The following FGF12 variants were observed in gnomAD, a reference collection of about 807,000 sequenced individuals.
The protein encoded by FGF12 is fibroblast growth factor 12B.
In FGF12, 14 loss-of-function variants were observed where a neutral mutation model predicts 23.6. That is an observed-to-expected ratio of 0.59 (90% confidence interval 0.39 to 0.93). The LOEUF is 0.93. FGF12 is among the 40% of genes least tolerant of loss of function. The probability of loss-of-function intolerance (pLI) is 0.00; values close to 1 mark genes in which losing one functional copy is unlikely to be tolerated. For synonymous variants in FGF12, 62 were observed against 77.3 expected, an observed-to-expected ratio of 0.80 and a Z score of 1.04; for missense variants, 175 against 217.8, an observed-to-expected ratio of 0.80 and a Z score of 1.24.
chr3:192,144,108 T>C lies in FGF12; in HGVS notation c.447A>G (p.Pro149=). The C allele has an allele frequency of 3.7e-6, 6 of 1,612,454 alleles. No individual in the cohort carries two copies. Among genetic ancestry groups the C allele is most frequent in the Non-Finnish European group, 3.4e-6 (4 of 1,178,522 alleles). ...GTTTTTCTCCAATTTCATGTAGCGA[T>C]GGTTCTCTGTACATACACACTGAAA... The part of the protein sequence containing the change: ...KPIEVCMYRE[P]SLHEIGEKQG... The change falls in exon 6 of 6, where the codon CCA becomes CCG. Residue 149 remains proline (P), a synonymous_variant. Coordinates refer to ENST00000445105, the MANE Select transcript of FGF12 (RefSeq NM_004113.6).
chr3:192,504,936 G>A (rs1192745565), intron 2 of FGF12, among the ~76,000 whole-genome samples: 1 of 152,014 alleles, frequency 6.6e-6, no homozygotes, highest in South Asian at 2.1e-4. Flanking sequence ...TTTCTCAGTT[G>A]TCTGGAACTC....
chr3:192,706,302 A>G (rs982660774), intron 2 of FGF12, among the ~76,000 whole-genome samples: 2 of 152,160 alleles, frequency 1.3e-5, no homozygotes, highest in Non-Finnish European at 2.9e-5. Flanking sequence ...AACTCTAATA[A>G]TCACATGCTT....
At chr3:192,381,600 A>T (rs528276317) in intron 2 of FGF12, among the ~76,000 whole-genome samples, 1 of 152,340 alleles carries the variant, frequency 6.6e-6, no homozygotes, top group South Asian at 2.1e-4. Context: ...AAACCTCACC[A>T]AACCCTAGGG....
At chr3:192,504,302 CT>C (rs1724229916) in intron 2 of FGF12, among the ~76,000 whole-genome samples, 1 of 152,052 alleles carries the variant, frequency 6.6e-6, no homozygotes, top group African/African-American at 2.4e-5. Context: ...CACAATTTAC[CT>C]GTGTAACAAA....
intron 2 of FGF12, among the ~76,000 whole-genome samples, chr3:192,686,347 G>A (rs187834012): frequency 2.0e-5 from 3 of 152,116 alleles, no homozygotes; most frequent in East Asian, 1.9e-4. Context: ...AGTTGGAACC[G>A]AGACTGAAAT....
At chr3:192,684,964 A>G (rs1577120162) in intron 2 of FGF12, among the ~76,000 whole-genome samples, 1 of 152,314 alleles carries the variant, frequency 6.6e-6, no homozygotes, top group East Asian at 1.9e-4. Flanking sequence ...GGCCTTGGGC[A>G]TATTTACCTC....
At chr3:192,144,227 C>T in intron 5 of FGF12, 100 bp from the exon 6 acceptor site, 1 of 676,168 alleles carries the variant, frequency 1.5e-6, no homozygotes, top group South Asian at 1.9e-5. Flanking sequence ...ACTCTCATCA[C>T]AAGCTCTTCT....
At chr3:192,320,148 G>A (rs1716458350) in intron 4 of FGF12, among the ~76,000 whole-genome samples, 1 of 151,888 alleles carries the variant, frequency 6.6e-6, no homozygotes. Context: ...ATACAAAGAT[G>A]GAAAAAGATA....
chr3:192,514,864 G>T lies in FGF12; in HGVS notation c.14-154326C>A. 1 of 985,370 alleles carries T rather than the reference G, an allele frequency of 1.0e-6. No individual in the cohort carries two copies. 61.0% of individuals were successfully genotyped at this position (985,370 alleles called of 1,614,324 possible). On this transcript the variant is annotated intron_variant, in intron 2 of 5. Transcript: ENST00000445105. This position sits in a 1 kb window ranked among gnomAD's most constrained non-coding sequence, Gnocchi z 4.9. ...GCCGGGTCCCGAGTCCATCGCGCGC[G>T]CCCAGGTGGAGGGGAGTTTGCACAT... is the stretch of plus-strand genomic sequence containing the variant.
intron 4 of FGF12, among the ~76,000 whole-genome samples, chr3:192,252,251 A>G (rs1170639383): frequency 2.6e-5 from 4 of 151,918 alleles, no homozygotes; most frequent in Non-Finnish European, 5.9e-5. Context: ...ACTTGAGCTC[A>G]GGAGTTCCAG....
intron 2 of FGF12, among the ~76,000 whole-genome samples, chr3:192,462,541 T>G (rs1722894933): frequency 6.6e-6 from 1 of 152,106 alleles, no homozygotes; most frequent in Admixed American, 6.6e-5. Flanking sequence ...GACTTCTCAA[T>G]CTCCATAAGT....
intron 2 of FGF12, among the ~76,000 whole-genome samples, chr3:192,649,499 T>C (rs1308881405): frequency 2.6e-5 from 4 of 152,204 alleles, no homozygotes; most frequent in Non-Finnish European, 5.9e-5. Context: ...GTAATAAATA[T>C]ATCGAGTTTT....
intron 2 of FGF12, among the ~76,000 whole-genome samples, chr3:192,504,300 A>G (rs1370603906): frequency 6.6e-6 from 1 of 152,178 alleles, no homozygotes; most frequent in East Asian, 1.9e-4. Flanking sequence ...CACACAATTT[A>G]CCTGTGTAAC....
chr3:192,330,177 T>C (rs1173936637), intron 4 of FGF12, among the ~76,000 whole-genome samples: 1 of 152,152 alleles, frequency 6.6e-6, no homozygotes, highest in Non-Finnish European at 1.5e-5. Flanking sequence ...TTCAATACAA[T>C]TCCTATCAAA....
At chr3:192,716,187 G>A (rs572017144) in intron 2 of FGF12, among the ~76,000 whole-genome samples, 1 of 152,200 alleles carries the variant, frequency 6.6e-6, no homozygotes, top group Non-Finnish European at 1.5e-5. Context: ...TGGGTTCACT[G>A]AATCAGAAAC....
chr3:192,219,680 C>G (rs1329178448), intron 4 of FGF12, among the ~76,000 whole-genome samples: 2 of 152,182 alleles, frequency 1.3e-5, no homozygotes, highest in Non-Finnish European at 2.9e-5. Flanking sequence ...TCAAGACCTA[C>G]ACGATCAGAA....
Position 192,514,699 on chromosome 3 carries a change from C to T in FGF12, c.14-154161G>A. 3.0e-6 allele frequency: 3 copies of T among 985,406 alleles called. No individual in the cohort carries two copies. The highest frequency in any genetic ancestry group is 3.6e-6 in the Non-Finnish European group (3 of 829,918). The allele number at this position is 985,406 out of a possible 1,614,324, so 61.0% of individuals were successfully genotyped here. On this transcript the variant is annotated intron_variant, in intron 2 of 5. Coordinates refer to ENST00000445105, the MANE Select transcript of FGF12 (RefSeq NM_004113.6). This position sits in a 1 kb window ranked among gnomAD's most constrained non-coding sequence, Gnocchi z 4.9. ...GCTGTCGCTGGACCTCAGGCTCCTT[C>T]CACAGAGACACTGCAGCATATGCAC...
intron 2 of FGF12, among the ~76,000 whole-genome samples, chr3:192,567,385 G>T (rs1359631085): frequency 6.6e-6 from 1 of 152,052 alleles, no homozygotes; most frequent in Non-Finnish European, 1.5e-5. Flanking sequence ...AAAGGGAAAG[G>T]GCTTTATTTT....
chr3:192,502,697 T>C (rs530127101), intron 2 of FGF12, among the ~76,000 whole-genome samples: 1 of 152,348 alleles, frequency 6.6e-6, no homozygotes, highest in African/African-American at 2.4e-5. Flanking sequence ...AGAGATGCTC[T>C]ACCTTCAGTC....
Sources: allele counts gnomAD v4.1 joint callset (sites outside exome capture counted in the v4.1 genomes callset), GRCh38; gene constraint gnomAD v4.1.1; non-coding constraint Gnocchi (gnomAD v3.1); transcripts MANE v1.5; gene names NCBI Gene and HGNC (gene_info 2026-07-23, HGNC 2026-07-21).